The following NSD1 variants were observed in gnomAD, a reference collection of about 807,000 sequenced individuals.
NSD1 encodes the protein histone-lysine N-methyltransferase, H3 lysine-36 specific.
In NSD1, 26 loss-of-function variants were observed where a neutral mutation model predicts 242.7. The observed-to-expected ratio is 0.11, with a 90% CI of 0.08 to 0.15. NSD1 has a LOEUF of 0.15. NSD1 is among the 10% of genes least tolerant of loss of function. The pLI is 1.00. For synonymous variants in NSD1, 1,106 were observed against 1,178.1 expected, an observed-to-expected ratio of 0.94 and a Z score of 1.25; for missense variants, 2,495 against 3,272.8, an observed-to-expected ratio of 0.76 and a Z score of 5.80.
At chr5:177,204,406 T>A in intron 4 of NSD1, 114 bp downstream of exon 4, 1 of 967,260 alleles carries the variant, frequency 1.0e-6, no homozygotes, top group Non-Finnish European at 1.6e-6. Context: ...CAGATTGGAG[T>A]ACAGTGGTGC....
At chr5:177,247,689 A>C (rs1412527619) in intron 10 of NSD1, among the ~76,000 whole-genome samples, 2 of 152,214 alleles carry the variant, frequency 1.3e-5, no homozygotes, top group Non-Finnish European at 2.9e-5. Flanking sequence ...TCAGGAAACA[A>C]AAGATTTAAA....
rs1164228529 is a variant in NSD1 at position 177,174,048 on chromosome 5, T to C, written c.928-17836T>C. Among the ~76,000 whole-genome samples the C allele has an allele frequency of 2.6e-5, 4 of 152,088 alleles. No individual in the cohort carries two copies. In the East Asian group the frequency reaches 7.8e-4, roughly 30 times the overall value. On this transcript the variant is annotated intron_variant, in intron 2 of 22. Transcript: ENST00000439151. ...TATCCTGCTGGTCAGCATTCCTTTT[T>C]ATTCTCCTCCTTGGTCGTCAGAAAA...
chr5:177,152,298 G>A (rs768853525), intron 2 of NSD1, among the ~76,000 whole-genome samples: 12 of 151,396 alleles, frequency 7.9e-5, no homozygotes, highest in Non-Finnish European at 1.3e-4. Context: ...GAGCCACTGT[G>A]CCGAGCCAGG....
At chr5:177,262,998 C>T (rs985816635) in intron 14 of NSD1, among the ~76,000 whole-genome samples, 8 of 152,014 alleles carry the variant, frequency 5.3e-5, no homozygotes, top group Non-Finnish European at 1.2e-4. Context: ...CAAAAGAATG[C>T]AACCTTTTGT....
rs1399026281 is a variant in NSD1, at chr5:177,298,859, A to C, written c.*3400A>C. On this transcript the variant is annotated 3_prime_UTR_variant, in exon 23 of 23. Transcript: ENST00000439151. ...TGGATAGGTTTTACCCTTAGTCCCTATAAGGTGGATTTTACTAAGGTTTTT... is the reference window on the plus strand; with the variant it reads ...TGGATAGGTTTTACCCTTAGTCCCTCTAAGGTGGATTTTACTAAGGTTTTT... The C allele has an allele frequency of 4.3e-6, 1 of 232,990 alleles. No individual in the cohort carries two copies. Among genetic ancestry groups the C allele is most frequent in the East Asian group, 6.0e-5 (1 of 16,544 alleles). 14.4% of individuals were successfully genotyped at this position (232,990 alleles called of 1,614,324 possible).
chr5:177,284,671 A>T (rs1032994024), intron 20 of NSD1, among the ~76,000 whole-genome samples: 5 of 152,134 alleles, frequency 3.3e-5, no homozygotes, highest in Admixed American at 1.3e-4. Context: ...ACTTACCACT[A>T]ATAGGTTTGC....
chr5:177,172,900 T>C (rs1051370634), intron 2 of NSD1, among the ~76,000 whole-genome samples: 1 of 145,134 alleles, frequency 6.9e-6, no homozygotes, highest in Non-Finnish European at 1.5e-5. Context: ...ATGTTGAGGC[T>C]GTAGTGAGCT....
rs776225438 is a variant in NSD1, at chr5:177,238,526, C to T, written c.4192+19C>T. 6.2e-7 allele frequency: 1 copy of T among 1,609,932 alleles called. No homozygotes were observed. The highest frequency in any genetic ancestry group is 8.5e-7 in the Non-Finnish European group (1 of 1,179,722). The stretch of plus-strand genomic sequence containing the variant: ...ACGCCAGGTAAGGTGGGGTTGGGGT[C>T]TCAGTATTTGAGCAGATATGATTAG... On this transcript the variant is annotated intron_variant, in intron 7 of 22. Coordinates refer to ENST00000439151, the MANE Select transcript of NSD1 (RefSeq NM_022455.5). The surrounding 1 kb of genome is among the most constrained non-coding windows in gnomAD (Gnocchi z 4.6).
intron 21 of NSD1, 67 bp downstream of exon 21, chr5:177,288,992 G>T (rs754446154): frequency 2.8e-6 from 3 of 1,085,162 alleles, no homozygotes; most frequent in Non-Finnish European, 4.3e-6. Flanking sequence ...CAGTGTTAGG[G>T]CAGTCTACAT....
intron 2 of NSD1, among the ~76,000 whole-genome samples, chr5:177,141,865 T>C (rs1756856059): frequency 6.6e-6 from 1 of 151,872 alleles, no homozygotes; most frequent in Admixed American, 6.6e-5. Context: ...ACAGGGTCTT[T>C]CTCTGTCACC....
At chr5:177,239,665 T>G in intron 7 of NSD1, 91 bp from the exon 8 acceptor site, 8 of 745,764 alleles carry the variant, frequency 1.1e-5, no homozygotes, top group Non-Finnish European at 1.9e-5. Context: ...TCAAAAACAT[T>G]GAGATTCATT....
intron 14 of NSD1, chr5:177,265,004 G>A (rs1757304495): frequency 9.9e-6 from 8 of 807,520 alleles, no homozygotes; most frequent in South Asian, 6.6e-5. Flanking sequence ...AACAAACAAG[G>A]GCAAGATTCT....
At chr5:177,221,550 C>T (rs1243725928) in intron 5 of NSD1, among the ~76,000 whole-genome samples, 1 of 151,834 alleles carries the variant, frequency 6.6e-6, no homozygotes, top group Non-Finnish European at 1.5e-5. Context: ...CAGCTCACTG[C>T]AAACTCCCGG....
intron 2 of NSD1, among the ~76,000 whole-genome samples, chr5:177,177,941 C>A (rs1760341560): frequency 6.6e-6 from 1 of 152,184 alleles, no homozygotes; most frequent in African/African-American, 2.4e-5. Context: ...GTCGCCCAGG[C>A]TGGTGTGCAG....
intron 17 of NSD1, among the ~76,000 whole-genome samples, chr5:177,273,989 T>C (rs1758150896): frequency 6.6e-6 from 1 of 152,058 alleles, no homozygotes; most frequent in Non-Finnish European, 1.5e-5. Flanking sequence ...GCGGATCACC[T>C]GAAGTCAGGA....
intron 8 of NSD1, among the ~76,000 whole-genome samples, chr5:177,240,881 T>C (rs1273871662): frequency 6.6e-6 from 1 of 151,612 alleles, no homozygotes; most frequent in Non-Finnish European, 1.5e-5. Flanking sequence ...CAGAAAATGG[T>C]GTGGTGTTGC....
At position 177,185,797 on chromosome 5, in the gene NSD1, A is replaced by ATT. The variant is rs1554184220; in HGVS notation, c.928-6086_928-6085insTT. 6.6e-5 allele frequency among the ~76,000 whole-genome samples: 6 copies of ATT among 91,058 alleles called. 1 individual carries two copies. The East Asian group carries it at 1.6e-3, about 24-fold the overall frequency. 59.7% of individuals were successfully genotyped at this position (91,058 alleles called of 152,430 possible). ...TATATTATATATGTATATTATATAT[A>ATT]TATATATATAAATTTATATATATAA... is the stretch of plus-strand genomic sequence containing the variant. On this transcript the variant is annotated intron_variant, in intron 2 of 22. Coordinates refer to ENST00000439151, the MANE Select transcript of NSD1 (RefSeq NM_022455.5).
At chr5:177,154,151 A>G (rs1757941520) in intron 2 of NSD1, among the ~76,000 whole-genome samples, 1 of 152,042 alleles carries the variant, frequency 6.6e-6, no homozygotes, top group South Asian at 2.1e-4. Flanking sequence ...GCACTTCTCC[A>G]TAGGCCTGCT....
intron 5 of NSD1, among the ~76,000 whole-genome samples, chr5:177,232,025 A>C (rs142853191): frequency 3.5e-4 from 54 of 152,144 alleles, no homozygotes; most frequent in South Asian, 1.7e-3. Context: ...TCAGTCTCAC[A>C]TGTAGCTGGG....
Sources: allele counts gnomAD v4.1 joint callset (sites outside exome capture counted in the v4.1 genomes callset), GRCh38; gene constraint gnomAD v4.1.1; non-coding constraint Gnocchi (gnomAD v3.1); transcripts MANE v1.5; gene names NCBI Gene and HGNC (gene_info 2026-07-23, HGNC 2026-07-21).